The following TARBP1 variants were observed in gnomAD, a reference collection of about 807,000 sequenced individuals.
TARBP1 encodes the protein tRNA guanosine 2 -O-methyltransferase TARBP1, also known as tRNA (guanosine(18)-2'-O)-methyltransferase TARBP1.
Under a neutral mutation model 178.6 loss-of-function variants are expected in TARBP1, and 144 were observed. The ratio of observed to expected loss-of-function variants is 0.81; its 90% CI spans 0.70 to 0.93. The LOEUF is 0.93. Among genes scored for constraint, TARBP1 ranks in the 40% least tolerant of loss-of-function variants. The pLI, the probability that TARBP1 is intolerant of heterozygous loss-of-function variation, is 0.00. For synonymous variants in TARBP1, 787 were observed against 781.0 expected (o/e 1.01, Z -0.13); for missense variants, 2,067 against 2,011.7 (o/e 1.03, Z -0.53).
intron 9 of TARBP1, among the ~76,000 whole-genome samples, chr1:234,455,133 T>A (rs933310902): frequency 6.6e-6 from 1 of 152,162 alleles, no homozygotes; most frequent in African/African-American, 2.4e-5. Context: ...AGAATCTTAA[T>A]TGCAGACGAG....
In TARBP1 at chr1:234,418,107, T is replaced by G. The variant is rs1324497770; in HGVS notation, c.3682A>C (p.Lys1228Gln). Residue 1228 changes from lysine (K) to glutamine (Q), a missense_variant, in exon 22 of 30, where the codon AAG becomes CAG. Transcript: ENST00000040877. ...ACATAAGAAAAACAATCCCAGAACT[T>G]TGGAAGAAATTGAGGGAATTTATGA... The part of the protein sequence containing the change: ...ILHKFPQFLP[K>Q]FWDCFSYGEE... 4.2e-6 allele frequency: 6 copies of G among 1,424,536 alleles called. No homozygotes were observed. The highest frequency in any genetic ancestry group is 1.5e-5 in the South Asian group (1 of 68,128). 88.2% of individuals were successfully genotyped at this position (1,424,536 alleles called of 1,614,324 possible).
intron 24 of TARBP1, among the ~76,000 whole-genome samples, chr1:234,404,329 C>G (rs951450249): frequency 2.6e-5 from 4 of 152,142 alleles, no homozygotes; most frequent in African/African-American, 4.8e-5. Flanking sequence ...GGTTACCTAT[C>G]TCTAACCATC....
intron 20 of TARBP1, among the ~76,000 whole-genome samples, chr1:234,423,272 G>A (rs921433147): frequency 3.3e-5 from 5 of 152,124 alleles, no homozygotes; most frequent in African/African-American, 9.7e-5. Context: ...CCATCCCAGT[G>A]GGTACAACTG....
intron 26 of TARBP1, among the ~76,000 whole-genome samples, chr1:234,398,019 A>AT (rs1324170246): frequency 2.0e-5 from 3 of 151,936 alleles, no homozygotes; most frequent in Middle Eastern, 6.8e-3. Context: ...AAAAAAAGAG[A>AT]TTTCATCATT....
intron 1 of TARBP1, among the ~76,000 whole-genome samples, chr1:234,477,528 G>GT (rs1669677236): frequency 6.6e-6 from 1 of 152,174 alleles, no homozygotes; most frequent in Admixed American, 6.5e-5. Context: ...CAACAGTAAC[G>GT]TAACAACTTG....
chr1:234,479,106 G>A lies in TARBP1; in HGVS notation c.-3C>T, dbSNP rs759190604. 21 of 1,527,914 alleles carry A rather than the reference G, an allele frequency of 1.4e-5. No homozygotes were observed. The highest frequency in any genetic ancestry group is 8.6e-5 in the African/African-American group (6 of 69,586). The allele number at this position is 1,527,914 out of a possible 1,614,324, so 94.6% of individuals were successfully genotyped here. On this transcript the variant is annotated 5_prime_UTR_variant, in exon 1 of 30. Coordinates refer to ENST00000040877, the MANE Select transcript of TARBP1 (RefSeq NM_005646.4). The stretch of plus-strand genomic sequence containing the variant: ...GCTTCCGCGAGCACCCACTCCATTT[G>A]CCGAGCGCCCGCGCCACCGGCCCGG...
At position 234,460,394 on chromosome 1, in the gene TARBP1, T is replaced by A; in HGVS notation, c.1402A>T (p.Ser468Cys). The A allele has an allele frequency of 6.2e-7, 1 of 1,613,372 alleles. No individual in the cohort carries two copies. Among genetic ancestry groups the A allele is most frequent in the Non-Finnish European group, 8.5e-7 (1 of 1,179,824 alleles). ...TTCCGAATAAACTTCAATAGGAAGC[T>A]ACCTGAAAGAAAAAGTTTTAAATTA... The part of the protein sequence containing the change: ...ISLLPEEIKS[S>C]FLLKFIRKMT... Residue 468 changes from serine to cysteine, a missense_variant and splice_region_variant, in exon 7 of 30, where the codon AGC becomes TGC. Transcript: ENST00000040877.
Position 234,406,008 on chromosome 1 carries a change from T to C in TARBP1, c.3884A>G (p.Lys1295Arg). The C allele has an allele frequency of 1.2e-6, 2 of 1,614,178 alleles. No homozygotes were observed. The highest frequency in any genetic ancestry group is 1.7e-6 in the Non-Finnish European group (2 of 1,180,022). Residue 1295 changes from lysine (K) to arginine (R), a missense_variant, in exon 24 of 30, where the codon AAG becomes AGG. Transcript: ENST00000040877. ...CACTTTACACACAGTCCAGAGTTTCTTAAGAGCAACTAAAGCATACAGTCG... is the reference window on the plus strand; with the variant it reads ...CACTTTACACACAGTCCAGAGTTTCCTAAGAGCAACTAAAGCATACAGTCG... Reference protein sequence around the residue: ...SVRLYALVALKKLWTVCKVLS... With the variant: ...SVRLYALVALRKLWTVCKVLS...
At chr1:234,476,284 A>T (rs1485701961) in intron 1 of TARBP1, among the ~76,000 whole-genome samples, 1 of 152,230 alleles carries the variant, frequency 6.6e-6, no homozygotes, top group African/African-American at 2.4e-5. Context: ...ACAAGACCTT[A>T]AAAAAATCCT....
At position 234,430,199 on chromosome 1, in the gene TARBP1, G is replaced by C. The variant is rs138023326; in HGVS notation, c.2497C>G (p.Leu833Val). 3.1e-5 allele frequency: 50 copies of C among 1,614,110 alleles called. No individual in the cohort carries two copies. The highest frequency in any genetic ancestry group is 3.5e-5 in the Non-Finnish European group (41 of 1,180,050). The change falls in exon 15 of 30, where the codon CTC becomes GTC. Residue 833 changes from leucine to valine, a missense_variant. Leu to Val is a conservative substitution (Grantham distance 32). Transcript: ENST00000040877. ...DQKPELQLDS[L>V]HAGPLESFLS... Reference sequence around the variant, plus strand: ...AAGCTTTCCAGGGGCCCAGCATGGAGAGAGTCCAGCTGCAGCTCAGGCTTC... The same window carrying C: ...AAGCTTTCCAGGGGCCCAGCATGGACAGAGTCCAGCTGCAGCTCAGGCTTC...
Position 234,430,183 on chromosome 1 carries a change from A to C in TARBP1, c.2513T>G (p.Leu838Arg). 6.2e-7 allele frequency: 1 copy of C among 1,614,220 alleles called. No individual in the cohort carries two copies. The highest frequency in any genetic ancestry group is 1.3e-5 in the African/African-American group (1 of 75,064). Residue 838 changes from leucine to arginine, a missense_variant, in exon 15 of 30, where the codon CTG (leucine) becomes CGG (arginine). By Grantham distance (102) the Leu-to-Arg change is moderately radical. Coordinates refer to ENST00000040877, the MANE Select transcript of TARBP1 (RefSeq NM_005646.4). ...CTGAAGAGAGGAAAGGAAGCTTTCC[A>C]GGGGCCCAGCATGGAGAGAGTCCAG... ...LQLDSLHAGP[L>R]ESFLSSLQLN...
At position 234,429,520 on chromosome 1, in the gene TARBP1, G is replaced by A. The variant is rs770255971; in HGVS notation, c.2767C>T (p.Gln923Ter). The A allele has an allele frequency of 1.2e-6, 2 of 1,614,188 alleles. No individual in the cohort carries two copies. Among genetic ancestry groups the A allele is most frequent in the Non-Finnish European group, 1.7e-6 (2 of 1,180,028 alleles). Residue 923 changes from glutamine (Q) to a stop codon, truncating the protein, a stop_gained, in exon 16 of 30, where the codon CAG (glutamine) becomes TAG (stop). Transcript: ENST00000040877. LOFTEE classifies it high-confidence loss of function. ...GACTGCAAAGTCCTTATTGGCATCT[G>A]AACGGCAGGTAGAAACGGTTCCAGA... ...EILEPFLPAV[Q>*]MPIRTLQSAL...
intron 23 of TARBP1, chr1:234,406,391 T>A: frequency 2.9e-6 from 1 of 350,102 alleles, no homozygotes; most frequent in Non-Finnish European, 5.3e-6. Flanking sequence ...AAAAAGTATG[T>A]TTTATGCTAA....
intron 1 of TARBP1, among the ~76,000 whole-genome samples, chr1:234,474,144 T>C (rs1165874328): frequency 6.6e-6 from 1 of 151,822 alleles, no homozygotes; most frequent in Non-Finnish European, 1.5e-5. Context: ...CTCTGGAGGC[T>C]GAGATGAGAG....
chr1:234,467,248 TCTTGA>T (rs1292171091), intron 4 of TARBP1, among the ~76,000 whole-genome samples: 2 of 152,238 alleles, frequency 1.3e-5, no homozygotes, highest in South Asian at 2.1e-4. Flanking sequence ...TGCTTACGAT[TCTTGA>T]CTTAACGCTG....
chr1:234,469,060 CTT>C (rs765324709), intron 3 of TARBP1, among the ~76,000 whole-genome samples: 29 of 68,562 alleles, frequency 4.2e-4, no homozygotes, highest in South Asian at 1.8e-3. Context: ...CGGTTTTTGC[CTT>C]TTTTTTTTTT....
intron 11 of TARBP1, among the ~76,000 whole-genome samples, chr1:234,447,804 T>TA (rs397965896): frequency 7.2e-5 from 11 of 152,228 alleles, no homozygotes; most frequent in African/African-American, 2.2e-4. Flanking sequence ...ACCGTTTTTT[T>TA]AATTATGTAT....
intron 1 of TARBP1, among the ~76,000 whole-genome samples, chr1:234,476,590 C>T (rs1308159115): frequency 6.6e-6 from 1 of 152,120 alleles, no homozygotes; most frequent in African/African-American, 2.4e-5. Context: ...ATAGAAAGAA[C>T]CGAACACATT....
At chr1:234,404,444 C>T (rs1661009764) in intron 24 of TARBP1, among the ~76,000 whole-genome samples, 1 of 151,706 alleles carries the variant, frequency 6.6e-6, no homozygotes, top group African/African-American at 2.4e-5. Context: ...CAAATGCGAT[C>T]CTGAGAAATA....
Sources: gnomAD v4.1 joint callset for allele counts (sites outside exome capture counted in the v4.1 genomes callset) on GRCh38, gnomAD v4.1.1 for gene constraint, MANE v1.5 for transcripts, NCBI Gene and HGNC (gene_info 2026-07-23, HGNC 2026-07-21) for gene names.